UBE2K: variants seen among roughly 807,000 people sequenced by gnomAD.
UBE2K encodes the protein ubiquitin-conjugating enzyme E2 K.
In UBE2K, 6 loss-of-function variants were observed where a neutral mutation model predicts 30.0. That is an observed-to-expected ratio of 0.20 (90% CI 0.11 to 0.39). The LOEUF (loss-of-function observed/expected upper bound fraction) is 0.39. Ranked by LOEUF, UBE2K falls within the 10% of genes least tolerant of loss-of-function variation. The pLI, the probability that UBE2K is intolerant of heterozygous loss-of-function variation, is 1.00. For synonymous variants in UBE2K, 86 were observed against 83.7 expected, an observed-to-expected ratio of 1.03 and a Z score of -0.15; for missense variants, 61 against 241.6, an observed-to-expected ratio of 0.25 and a Z score of 4.96.
At chr4:39,707,390 A>G (rs1718426246) in intron 1 of UBE2K, among the ~76,000 whole-genome samples, 1 of 150,898 alleles carries the variant, frequency 6.6e-6, no homozygotes, top group Non-Finnish European at 1.5e-5. Context: ...TATTTTTAGT[A>G]GAGATGGGGT....
intron 1 of UBE2K, among the ~76,000 whole-genome samples, chr4:39,711,710 TTC>T (rs1718696613): frequency 6.6e-6 from 1 of 151,928 alleles, no homozygotes; most frequent in African/African-American, 2.4e-5. Context: ...TGCTTCACTG[TTC>T]TCCAGATGAT....
chr4:39,728,388 T>C (rs1719871843), intron 1 of UBE2K, among the ~76,000 whole-genome samples: 1 of 152,136 alleles, frequency 6.6e-6, no homozygotes, highest in South Asian at 2.1e-4. Flanking sequence ...GGCGGGAGAA[T>C]TGCCTTAGCT....
At chr4:39,750,849 G>C (rs952103414) in intron 3 of UBE2K, among the ~76,000 whole-genome samples, 1 of 151,464 alleles carries the variant, frequency 6.6e-6, no homozygotes, top group South Asian at 2.1e-4. Context: ...GGGCTCAAGC[G>C]ATCCTCTCAC....
Position 39,705,581 on chromosome 4 carries a change from G to T in UBE2K, c.63+7191G>T, listed in dbSNP as rs985158790. Among the ~76,000 whole-genome samples the T allele has an allele frequency of 7.2e-5, 11 of 152,088 alleles. 1 individual carries two copies. The highest frequency in any genetic ancestry group is 6.6e-5 in the Admixed American group (1 of 15,266). ...ACTATAGCCCCAAAAGGCTTAACTG[G>T]TTAGAGATACAGGGCAGACAAAGGA... On this transcript the variant is annotated intron_variant, in intron 1 of 6. Coordinates refer to ENST00000261427, the MANE Select transcript of UBE2K (RefSeq NM_005339.5).
chr4:39,727,555 T>G (rs1417158744), intron 1 of UBE2K, among the ~76,000 whole-genome samples: 1 of 151,852 alleles, frequency 6.6e-6, no homozygotes, highest in African/African-American at 2.4e-5. Context: ...GAGACAGGGT[T>G]TCACCATGTT....
intron 1 of UBE2K, among the ~76,000 whole-genome samples, chr4:39,731,453 G>A (rs1317812408): frequency 1.3e-5 from 2 of 152,022 alleles, no homozygotes; most frequent in African/African-American, 4.8e-5. Flanking sequence ...GCCGAGGCAG[G>A]TGGATCACCA....
intron 4 of UBE2K, among the ~76,000 whole-genome samples, chr4:39,762,301 A>T (rs866436336): frequency 1.3e-5 from 2 of 152,034 alleles, no homozygotes; most frequent in Non-Finnish European, 1.5e-5. Context: ...GCCTCAAGTG[A>T]TCCTTCCACC....
chr4:39,726,684 C>G (rs970867284), intron 1 of UBE2K, among the ~76,000 whole-genome samples: 1 of 152,156 alleles, frequency 6.6e-6, no homozygotes, highest in Non-Finnish European at 1.5e-5. Flanking sequence ...CAACCTCTGC[C>G]TCCTGGGCTC....
intron 4 of UBE2K, 115 bp downstream of exon 4, chr4:39,755,854 A>G (rs1260916206): frequency 9.1e-6 from 6 of 662,742 alleles, no homozygotes; most frequent in Non-Finnish European, 1.4e-5. Flanking sequence ...TTTGGGCAGT[A>G]ACTTTAAAAG....
At position 39,705,037 on chromosome 4, in the gene UBE2K, ATGTTTTTTTT is replaced by A. The variant is rs558966753; in HGVS notation, c.63+6665_63+6674del. On this transcript the variant is annotated intron_variant, in intron 1 of 6. Coordinates refer to ENST00000261427, the MANE Select transcript of UBE2K (RefSeq NM_005339.5). ...AGGCATGTGCCAGCATGCATGGCTA[ATGTTTTTTTT>A]TGTTTTTTTTTGTTTTTGTTTTTGT... Among the ~76,000 whole-genome samples the A allele has an allele frequency of 1.4e-3, 207 of 149,348 alleles. 1 individual carries two copies. The highest frequency in any genetic ancestry group is 1.9e-3 in the Admixed American group (29 of 14,962).
At chr4:39,752,171 C>G (rs1673047866) in intron 3 of UBE2K, among the ~76,000 whole-genome samples, 2 of 152,098 alleles carry the variant, frequency 1.3e-5, no homozygotes, top group Admixed American at 6.6e-5. Flanking sequence ...CTCGCTCTGT[C>G]CCCCAGGCTG....
chr4:39,731,497 T>C (rs1720072088), intron 1 of UBE2K, among the ~76,000 whole-genome samples: 1 of 151,884 alleles, frequency 6.6e-6, no homozygotes, highest in Non-Finnish European at 1.5e-5. Context: ...CTGGCCAACA[T>C]GATGAAACCT....
intron 1 of UBE2K, among the ~76,000 whole-genome samples, chr4:39,712,219 T>G (rs1718736354): frequency 1.9e-5 from 2 of 104,224 alleles, no homozygotes; most frequent in Admixed American, 2.1e-4. Flanking sequence ...TTTTTTTTTT[T>G]GAGACCGAGT....
At chr4:39,709,825 A>G (rs1226362198) in intron 1 of UBE2K, among the ~76,000 whole-genome samples, 2 of 152,078 alleles carry the variant, frequency 1.3e-5, no homozygotes, top group Non-Finnish European at 2.9e-5. Flanking sequence ...GAAACTCTCA[A>G]ATGATATAGA....
intron 2 of UBE2K, among the ~76,000 whole-genome samples, chr4:39,744,947 TA>T (rs1315142977): frequency 6.7e-6 from 1 of 150,078 alleles, no homozygotes; most frequent in Non-Finnish European, 1.5e-5. Context: ...AATAAATAAA[TA>T]AATAAATGAA....
At chr4:39,729,708 G>C (rs1473960433) in intron 1 of UBE2K, among the ~76,000 whole-genome samples, 2 of 151,816 alleles carry the variant, frequency 1.3e-5, no homozygotes, top group African/African-American at 2.4e-5. Context: ...TATTCTTCAT[G>C]ACCCTGAATA....
intron 1 of UBE2K, among the ~76,000 whole-genome samples, chr4:39,736,683 G>A (rs528516713): frequency 1.3e-5 from 2 of 152,334 alleles, no homozygotes; most frequent in Admixed American, 1.3e-4. Flanking sequence ...ACTCAGTAAT[G>A]CTATAGATAG....
At position 39,706,076 on chromosome 4, in the gene UBE2K, A is replaced by G. The variant is rs183802510; in HGVS notation, c.63+7686A>G. On this transcript the variant is annotated intron_variant, in intron 1 of 6. Transcript: ENST00000261427. ...ACCTAGGCTGGAGTGCAGTGGCGCT[A>G]TCTCAGCTCACTGCAAGCTCCGCCT... is the stretch of plus-strand genomic sequence containing the variant. Among the ~76,000 whole-genome samples, 1,123 of 152,268 alleles carry G rather than the reference A, an allele frequency of 7.4e-3. 11 individuals carry two copies. Among genetic ancestry groups the G allele is most frequent in the Middle Eastern group, 0.024 (7 of 294 alleles).
At chr4:39,747,312 C>G (rs982669967) in intron 3 of UBE2K, among the ~76,000 whole-genome samples, 1 of 152,096 alleles carries the variant, frequency 6.6e-6, no homozygotes, top group African/African-American at 2.4e-5. Flanking sequence ...ACTTTCTCAC[C>G]TTCCCAAACT....
Sources: allele counts gnomAD v4.1 joint callset (sites outside exome capture counted in the v4.1 genomes callset), GRCh38; gene constraint gnomAD v4.1.1; transcripts MANE v1.5; gene names NCBI Gene and HGNC (gene_info 2026-07-23, HGNC 2026-07-21).